Variants in GEN1 observed in about 807,000 individuals in gnomAD.
GEN1 encodes flap endonuclease GEN homolog 1.
A neutral mutation model predicts 67.6 loss-of-function variants in GEN1; 64 were observed. That is an observed-to-expected ratio of 0.95 (90% CI 0.77 to 1.17). GEN1 has a LOEUF of 1.17. Ranked by LOEUF, GEN1 falls within the 50% of genes most tolerant of loss-of-function variation. The pLI, the probability that GEN1 is intolerant of heterozygous loss-of-function variation, is 0.00. For missense variants in GEN1, 1,058 were observed against 1,048.3 expected (o/e 1.01, Z -0.13); for synonymous variants, 371 against 359.4 (o/e 1.03, Z -0.37).
At chr2:17,772,600 A>G in intron 7 of GEN1, 34 bp from the exon 8 acceptor site, 1 of 1,563,850 alleles carries the variant, frequency 6.4e-7, no homozygotes, top group Non-Finnish European at 8.6e-7. Flanking sequence ...ATAAAAGGCA[A>G]AAAATATTAT....
intron 2 of GEN1, 22 bp downstream of exon 2, chr2:17,760,126 T>G: frequency 1.2e-6 from 2 of 1,606,422 alleles, no homozygotes; most frequent in Non-Finnish European, 8.5e-7. Flanking sequence ...GCTCTTACAG[T>G]ATAAATGTAT....
Position 17,782,058 on chromosome 2 carries a change from A to T in GEN1, c.*119A>T, listed in dbSNP as rs1398232695. On this transcript the variant is annotated 3_prime_UTR_variant, in exon 14 of 14. Coordinates refer to ENST00000381254, the MANE Select transcript of GEN1 (RefSeq NM_001130009.3). ...TTTAATGTTCTCTGTGTCATGAAAC[A>T]CTTGCCATTTTAATCAAAGTTGTAA... The T allele has an allele frequency of 5.3e-6, 3 of 569,002 alleles. No homozygotes were observed. Among genetic ancestry groups the T allele is most frequent in the Non-Finnish European group, 9.1e-6 (3 of 330,764 alleles). 35.2% of individuals were successfully genotyped at this position (569,002 alleles called of 1,614,324 possible). A position where few individuals can be genotyped will look rare whatever the true frequency, so the allele number is the denominator to read the frequency against.
intron 1 of GEN1, among the ~76,000 whole-genome samples, chr2:17,757,615 A>G (rs1248775075): frequency 2.0e-5 from 3 of 152,134 alleles, no homozygotes; most frequent in African/African-American, 7.2e-5. Context: ...GCCCTGGCCA[A>G]CTCCACAGGA....
chr2:17,773,042 A>G (rs1672266754), intron 8 of GEN1, 54 bp from the exon 9 acceptor site: 5 of 1,146,844 alleles, frequency 4.4e-6, no homozygotes, highest in South Asian at 1.3e-5. Flanking sequence ...AGATGATTTC[A>G]GAGTCTAAAA....
Position 17,781,204 on chromosome 2 carries a change from T to C in GEN1, c.1992T>C (p.Ile664=), listed in dbSNP as rs1672814564. The C allele has an allele frequency of 6.2e-7, 1 of 1,613,666 alleles. No individual in the cohort carries two copies. The part of the protein sequence containing the change: ...ISPEEHLLSG[I]TDLCLQDLPL... ...CTGAAGAGCATCTACTTTCTGGCAT[T>C]ACTGATTTATGTCTTCAGGATTTGC... The change falls in exon 14 of 14, where the codon ATT becomes ATC. Residue 664 remains isoleucine (I), a synonymous_variant. Coordinates refer to ENST00000381254, the MANE Select transcript of GEN1 (RefSeq NM_001130009.3).
At chr2:17,755,605 C>A (rs1671394800) in intron 1 of GEN1, 1 of 152,046 alleles carries the variant, frequency 6.6e-6, no homozygotes, top group Non-Finnish European at 1.5e-5. Flanking sequence ...TAGTTTTCAC[C>A]ATTTACCAGT....
chr2:17,781,338 C>T lies in GEN1; in HGVS notation c.2126C>T (p.Ala709Val), dbSNP rs201307842. Residue 709 changes from alanine to valine, a missense_variant, in exon 14 of 14, where the codon GCT becomes GTT. Ala to Val is a moderately conservative substitution (Grantham distance 64, BLOSUM62 0). Transcript: ENST00000381254. The part of the protein sequence containing the change: ...SILSVKESCI[A>V]NSGSDCTSHL... ...CTTAGTGTAAAAGAATCTTGTATTG[C>T]TAACAGTGGTTCTGATTGTACATCA... The T allele has an allele frequency of 6.2e-7, 1 of 1,613,672 alleles. No homozygotes were observed. The highest frequency in any genetic ancestry group is 8.5e-7 in the Non-Finnish European group (1 of 1,179,650).
In GEN1 at chr2:17,781,869, A is replaced by G; in HGVS notation, c.2657A>G (p.Asn886Ser). ...CTACAATGTCATAAGAAAGAAAACA[A>G]CTCTGGTACTTGTTTGGATAGCCCT... ...SSLQCHKKEN[N>S]SGTCLDSPLP... Residue 886 changes from asparagine (N) to serine (S), a missense_variant, in exon 14 of 14, where the codon AAC becomes AGC. Asn to Ser is a conservative substitution (Grantham distance 46, BLOSUM62 1). Coordinates refer to ENST00000381254, the MANE Select transcript of GEN1 (RefSeq NM_001130009.3). 1 of 1,599,168 alleles carries G rather than the reference A, an allele frequency of 6.3e-7. No homozygotes were observed. The highest frequency in any genetic ancestry group is 8.5e-7 in the Non-Finnish European group (1 of 1,176,060).
Position 17,772,805 on chromosome 2 carries a change from A to G in GEN1, c.953+21A>G, listed in dbSNP as rs775286168. On this transcript the variant is annotated intron_variant, in intron 8 of 13. Transcript: ENST00000381254. ...AAGAAGTAAGTTTTTTTAAAAACTC[A>G]TGATTTTTCCTGGCATGACCTATAC... 9 of 1,587,508 alleles carry G rather than the reference A, an allele frequency of 5.7e-6. No homozygotes were observed. In the Admixed American group the frequency reaches 8.7e-5, roughly 15 times the overall value.
chr2:17,781,496 G>A lies in GEN1; in HGVS notation c.2284G>A (p.Val762Met). ...TSVPYSVSNT[V>M]VKTCNVRPPN... ...TGTCCCTTATTCTGTCAGTAACACAGTGGTAAAGACCTGCAATGTTAGACC... is the reference window on the plus strand; with the variant it reads ...TGTCCCTTATTCTGTCAGTAACACAATGGTAAAGACCTGCAATGTTAGACC... The change falls in exon 14 of 14, where the codon GTG becomes ATG. Residue 762 changes from valine to methionine, a missense_variant. Val to Met is a conservative substitution (Grantham distance 21). Transcript: ENST00000381254. 1 of 1,613,578 alleles carries A rather than the reference G, an allele frequency of 6.2e-7. No homozygotes were observed. Among genetic ancestry groups the A allele is most frequent in the South Asian group, 1.1e-5 (1 of 91,074 alleles).
At chr2:17,778,108 C>G in intron 12 of GEN1, 45 bp downstream of exon 12, 1 of 1,003,636 alleles carries the variant, frequency 1.0e-6, no homozygotes, top group South Asian at 1.3e-5. Context: ...TAATATTTGA[C>G]CATGTATGTC....
rs560450148 is a variant in GEN1, at chr2:17,778,349, T to C, written c.1264+286T>C. Among the ~76,000 whole-genome samples the C allele has an allele frequency of 3.4e-3, 102 of 30,142 alleles. 28 individuals are homozygous for C. Among genetic ancestry groups the C allele is most frequent in the African/African-American group, 0.011 (91 of 8,018 alleles). 19.8% of individuals were successfully genotyped at this position (30,142 alleles called of 152,430 possible). ...GTGTACATATATGTATACACACACATGTGTGTACATATATGTATATACACA... is the reference window on the plus strand; with the variant it reads ...GTGTACATATATGTATACACACACACGTGTGTACATATATGTATATACACA... On this transcript the variant is annotated intron_variant, in intron 12 of 13. Coordinates refer to ENST00000381254, the MANE Select transcript of GEN1 (RefSeq NM_001130009.3).
chr2:17,780,871 A>G lies in GEN1; in HGVS notation c.1659A>G (p.Ile553Met), dbSNP rs2125177870. ...TGTCTTCTCTAAGACCTTTGGCTAT[A>G]CAGCAAATTAAAGCTGTCAGTAAGT... ...QFMSSLRPLA[I>M]QQIKAVSKSL... The change falls in exon 14 of 14, where the codon ATA becomes ATG. Residue 553 changes from isoleucine to methionine, a missense_variant. Coordinates refer to ENST00000381254, the MANE Select transcript of GEN1 (RefSeq NM_001130009.3). 1.9e-6 allele frequency: 3 copies of G among 1,613,966 alleles called. No individual in the cohort carries two copies. Among genetic ancestry groups the G allele is most frequent in the Non-Finnish European group, 2.5e-6 (3 of 1,179,910 alleles).
chr2:17,763,163 A>T (rs776588101), intron 3 of GEN1, among the ~76,000 whole-genome samples: 1 of 152,104 alleles, frequency 6.6e-6, no homozygotes, highest in Non-Finnish European at 1.5e-5. Flanking sequence ...AATTTTAGTT[A>T]AAAAATTATG....
At chr2:17,777,088 T>G (rs1348876978) in intron 11 of GEN1, among the ~76,000 whole-genome samples, 1 of 151,838 alleles carries the variant, frequency 6.6e-6, no homozygotes, top group African/African-American at 2.4e-5. Context: ...ATGGTGCCAC[T>G]GCACTCCAGC....
At chr2:17,754,513 T>C (rs6531053) in intron 1 of GEN1, 168 bp downstream of exon 1, 80,753 of 152,010 alleles carry the variant, frequency 0.53, 23,793 homozygotes, top group African/African-American at 0.77. Context: ...AGGCCGCGAC[T>C]TGGCCCCTGT....
intron 10 of GEN1, 43 bp downstream of exon 10, chr2:17,773,342 C>G (rs754212170): frequency 8.3e-7 from 1 of 1,205,736 alleles, no homozygotes; most frequent in South Asian, 1.3e-5. Context: ...AAGTTATATG[C>G]TGGAAAGATA....
rs1378063968 is a variant in GEN1, at chr2:17,754,279, G to T, written c.-82G>T. ...CAGAAATTTGGAGGCACAGTAGTTA[G>T]GATTCAGGCCAAACTGGTAAATGAC... On this transcript the variant is annotated 5_prime_UTR_variant, in exon 1 of 14. It adds an upstream start codon to the 5' untranslated region. Transcript: ENST00000381254. 1 of 152,080 alleles carries T rather than the reference G, an allele frequency of 6.6e-6. No homozygotes were observed. The highest frequency in any genetic ancestry group is 2.4e-5 in the African/African-American group (1 of 41,370). 9.4% of individuals were successfully genotyped at this position (152,080 alleles called of 1,614,324 possible). A position where few individuals can be genotyped will look rare whatever the true frequency, so the allele number is the denominator to read the frequency against.
intron 7 of GEN1, 61 bp downstream of exon 7, chr2:17,771,348 A>G (rs1049507875): frequency 1.0e-5 from 10 of 997,310 alleles, no homozygotes; most frequent in South Asian, 3.8e-5. Context: ...TCTTGTTCAC[A>G]TAGTACTTTT....
Sources: gnomAD v4.1 joint callset for allele counts (sites outside exome capture counted in the v4.1 genomes callset) on GRCh38, gnomAD v4.1.1 for gene constraint, MANE v1.5 for transcripts, NCBI Gene and HGNC (gene_info 2026-07-23, HGNC 2026-07-21) for gene names.